ZNF804B: variants seen among roughly 807,000 people sequenced by gnomAD.
ZNF804B encodes the protein zinc finger protein 804B, also known as zinc finger 804B.
ZNF804B carries 80 observed loss-of-function variants against 101.4 expected under a neutral mutation model. The observed-to-expected ratio is 0.79, with a 90% CI of 0.66 to 0.95. ZNF804B has a LOEUF of 0.95. ZNF804B is among the 40% of genes least tolerant of loss of function. ZNF804B has a pLI of 0.00. For synonymous variants in ZNF804B, 622 were observed against 558.8 expected (o/e 1.11, Z -1.59); for missense variants, 1,673 against 1,561.9 (o/e 1.07, Z -1.20).
intron 1 of ZNF804B, among the ~76,000 whole-genome samples, chr7:89,176,587 CTTTCTTT>C (rs1330791312): frequency 9.3e-5 from 5 of 53,994 alleles, no homozygotes; most frequent in African/African-American, 1.5e-4. Flanking sequence ...TTCTTTCTTT[CTTTCTTT>C]TTTTTTTTTT....
chr7:89,081,819 C>A (rs1310963768), intron 1 of ZNF804B, among the ~76,000 whole-genome samples: 1 of 151,710 alleles, frequency 6.6e-6, no homozygotes, highest in Non-Finnish European at 1.5e-5. Context: ...CTATGAAAAG[C>A]AAATGACCTT....
At chr7:89,236,715 T>C (rs563373955) in intron 2 of ZNF804B, among the ~76,000 whole-genome samples, 49 of 152,230 alleles carry the variant, frequency 3.2e-4, no homozygotes, top group African/African-American at 1.1e-3. Context: ...TTTTATGAAA[T>C]CATTCTCTTA....
At chr7:89,185,850 A>ATTC (rs979400394) in intron 1 of ZNF804B, among the ~76,000 whole-genome samples, 1 of 151,982 alleles carries the variant, frequency 6.6e-6, no homozygotes, top group African/African-American at 2.4e-5. Flanking sequence ...TACTGACTGC[A>ATTC]TTCCAGCAAC....
At chr7:89,100,238 G>T (rs996428749) in intron 1 of ZNF804B, among the ~76,000 whole-genome samples, 2 of 152,088 alleles carry the variant, frequency 1.3e-5, no homozygotes, top group Non-Finnish European at 2.9e-5. Flanking sequence ...AATAAATAGT[G>T]CTGGGAAAAC....
At chr7:89,070,983 T>C (rs568260574) in intron 1 of ZNF804B, among the ~76,000 whole-genome samples, 3 of 152,134 alleles carry the variant, frequency 2.0e-5, no homozygotes, top group Non-Finnish European at 2.9e-5. Context: ...CCAAAATTCA[T>C]AGATGCTCAA....
chr7:89,085,865 TA>T (rs1789791964), intron 1 of ZNF804B, among the ~76,000 whole-genome samples: 1 of 152,040 alleles, frequency 6.6e-6, no homozygotes, highest in Non-Finnish European at 1.5e-5. Context: ...TTTAATGGGT[TA>T]TCTTCCAACT....
At chr7:88,901,564 G>T (rs1287961873) in intron 1 of ZNF804B, among the ~76,000 whole-genome samples, 1 of 151,542 alleles carries the variant, frequency 6.6e-6, no homozygotes, top group Non-Finnish European at 1.5e-5. Flanking sequence ...CAGTTCTCTT[G>T]ATAATTTTTT....
intron 1 of ZNF804B, among the ~76,000 whole-genome samples, chr7:88,814,617 A>C (rs2115742744): frequency 6.6e-6 from 1 of 152,246 alleles, no homozygotes; most frequent in Non-Finnish European, 1.5e-5. Flanking sequence ...TGGGGTTTAA[A>C]TTTGGCCTCT....
At chr7:89,156,254 C>G (rs1039610893) in intron 1 of ZNF804B, among the ~76,000 whole-genome samples, 8 of 151,958 alleles carry the variant, frequency 5.3e-5, no homozygotes, top group African/African-American at 1.9e-4. Context: ...GCTGGGATTA[C>G]AGCCATGAGC....
In ZNF804B at chr7:89,327,613, T is replaced by C. The variant is rs1790915053; in HGVS notation, c.380+139T>C. 2.7e-6 allele frequency: 3 copies of C among 1,128,068 alleles called. No homozygotes were observed. In the Admixed American group the frequency reaches 9.6e-5, roughly 36 times the overall value. 69.9% of individuals were successfully genotyped at this position (1,128,068 alleles called of 1,614,324 possible). A position where few individuals can be genotyped will look rare whatever the true frequency, so the allele number is the denominator to read the frequency against. On this transcript the variant is annotated intron_variant, in intron 3 of 3. Coordinates refer to ENST00000333190, the MANE Select transcript of ZNF804B (RefSeq NM_181646.5). ...TCTGAAGGGCAAATATAGTTAAACA[T>C]ACATAAATTAATAACTTTTGGCCTT...
At chr7:89,273,053 A>G (rs1789922984) in intron 2 of ZNF804B, among the ~76,000 whole-genome samples, 1 of 152,182 alleles carries the variant, frequency 6.6e-6, no homozygotes, top group African/African-American at 2.4e-5. Flanking sequence ...TAACTGATTA[A>G]AAGACTACTT....
chr7:89,138,211 G>C (rs6961284), intron 1 of ZNF804B, among the ~76,000 whole-genome samples: 99,019 of 151,928 alleles, frequency 0.65, 32,451 homozygotes, highest in African/African-American at 0.72. Flanking sequence ...CAGAGCCCCC[G>C]CACACAGAGT....
At chr7:89,042,155 G>C (rs1197710040) in intron 1 of ZNF804B, among the ~76,000 whole-genome samples, 1 of 152,178 alleles carries the variant, frequency 6.6e-6, no homozygotes, top group Non-Finnish European at 1.5e-5. Flanking sequence ...GAAGGAGATG[G>C]ACATGAGTCT....
At chr7:89,262,564 T>C (rs1789726966) in intron 2 of ZNF804B, among the ~76,000 whole-genome samples, 1 of 152,224 alleles carries the variant, frequency 6.6e-6, no homozygotes, top group South Asian at 2.1e-4. Context: ...ATTATAATGA[T>C]TACTTTTATA....
intron 1 of ZNF804B, among the ~76,000 whole-genome samples, chr7:89,084,014 G>A (rs2158145): frequency 0.039 from 5,984 of 151,938 alleles, 150 homozygotes; most frequent in East Asian, 0.12. Flanking sequence ...GGGGATAGAT[G>A]GAATAGGACA....
intron 2 of ZNF804B, among the ~76,000 whole-genome samples, chr7:89,247,435 G>A (rs1056566321): frequency 6.6e-6 from 1 of 152,096 alleles, no homozygotes; most frequent in Non-Finnish European, 1.5e-5. Context: ...TGGCTGGTAG[G>A]TCCAACCACA....
At chr7:89,319,280 T>A (rs1790778108) in intron 2 of ZNF804B, among the ~76,000 whole-genome samples, 2 of 152,210 alleles carry the variant, frequency 1.3e-5, no homozygotes, top group Non-Finnish European at 2.9e-5. Flanking sequence ...AATTAATTAA[T>A]TAATTTTAAA....
intron 1 of ZNF804B, among the ~76,000 whole-genome samples, chr7:88,993,611 C>T (rs1367129298): frequency 2.0e-5 from 3 of 151,932 alleles, no homozygotes; most frequent in Admixed American, 6.6e-5. Context: ...TACTATCCAA[C>T]GTCCCAAGCA....
intron 1 of ZNF804B, among the ~76,000 whole-genome samples, chr7:88,854,278 C>G (rs368576541): frequency 6.6e-6 from 1 of 152,050 alleles, no homozygotes; most frequent in Non-Finnish European, 1.5e-5. Flanking sequence ...CTTAAGTCAT[C>G]GTTTGGCTAA....
Sources: gnomAD v4.1 joint callset for allele counts (sites outside exome capture counted in the v4.1 genomes callset) on GRCh38, gnomAD v4.1.1 for gene constraint, MANE v1.5 for transcripts, NCBI Gene and HGNC (gene_info 2026-07-23, HGNC 2026-07-21) for gene names.